SPTLC2: variants seen among roughly 807,000 people sequenced by gnomAD.
SPTLC2 encodes the protein serine palmitoyltransferase long chain base subunit 2.
A neutral mutation model predicts 62.0 loss-of-function variants in SPTLC2; 21 were observed. The observed-to-expected ratio is 0.34, with a 90% CI of 0.24 to 0.49. The LOEUF (loss-of-function observed/expected upper bound fraction) is 0.49, where lower values mean the gene tolerates loss of function less well. Ranked by LOEUF, SPTLC2 falls within the 20% of genes least tolerant of loss-of-function variation. The probability of loss-of-function intolerance (pLI) is 0.99; values close to 1 mark genes in which losing one functional copy is unlikely to be tolerated. For synonymous variants in SPTLC2, 261 were observed against 261.8 expected (o/e 1.00, Z 0.03); for missense variants, 511 against 713.0 (o/e 0.72, Z 3.23).
intron 9 of SPTLC2, among the ~76,000 whole-genome samples, chr14:77,531,222 T>A (rs2079436837): frequency 6.6e-6 from 1 of 152,216 alleles, no homozygotes; most frequent in South Asian, 2.1e-4. Flanking sequence ...CTTCATTGTT[T>A]AGGCTGTTTA....
chr14:77,580,960 G>A (rs182791586), intron 2 of SPTLC2, among the ~76,000 whole-genome samples: 77 of 152,322 alleles, frequency 5.1e-4, no homozygotes, highest in African/African-American at 1.7e-3. Flanking sequence ...TAAAACTTAA[G>A]TCTGTAAAAA....
intron 9 of SPTLC2, chr14:77,535,640 G>A (rs558748120): frequency 1.1e-5 from 2 of 175,650 alleles, no homozygotes; most frequent in Admixed American, 1.3e-4. Context: ...TCCTGCATAT[G>A]AGGTATGAGA....
intron 1 of SPTLC2, among the ~76,000 whole-genome samples, chr14:77,609,610 G>A (rs10146161): frequency 0.44 from 67,242 of 151,862 alleles, 15,176 homozygotes; most frequent in East Asian, 0.63. Context: ...GGTGGCATGT[G>A]CCTGTAGTCC....
chr14:77,519,266 C>T (rs546416524), intron 10 of SPTLC2, among the ~76,000 whole-genome samples: 1 of 152,200 alleles, frequency 6.6e-6, no homozygotes, highest in African/African-American at 2.4e-5. Context: ...TCTCGATCTC[C>T]TGACCTTGTG....
At chr14:77,515,377 T>C (rs971108822) in intron 11 of SPTLC2, among the ~76,000 whole-genome samples, 2 of 152,176 alleles carry the variant, frequency 1.3e-5, no homozygotes, top group African/African-American at 2.4e-5. Context: ...TAGGTTGCTA[T>C]ACTGCCATCT....
chr14:77,562,544 C>T (rs1028815818), intron 5 of SPTLC2, 55 bp from the exon 6 acceptor site: 68 of 1,399,754 alleles, frequency 4.9e-5, no homozygotes, highest in Non-Finnish European at 6.1e-5. Context: ...GGGTTAGTTA[C>T]ACAAATCACA....
At chr14:77,534,938 T>C (rs1325793688) in intron 9 of SPTLC2, among the ~76,000 whole-genome samples, 1 of 152,162 alleles carries the variant, frequency 6.6e-6, no homozygotes, top group Non-Finnish European at 1.5e-5. Context: ...TATTTCTTTT[T>C]TTTTTTGAGA....
rs774932456 is a variant in SPTLC2, at chr14:77,552,270, C to T, written c.1177-48G>A. 5 of 1,609,228 alleles carry T rather than the reference C, an allele frequency of 3.1e-6. No individual in the cohort carries two copies. The African/African-American group carries it at 5.3e-5, about 17-fold the overall frequency. On this transcript the variant is annotated intron_variant, in intron 8 of 11. Transcript: ENST00000216484. Reference sequence around the variant, plus strand: ...TAAGTAGAGACAATTCTTGCATTCACCGGCAATGTCAGTCCTTTCCTTCTA... The same window carrying T: ...TAAGTAGAGACAATTCTTGCATTCATCGGCAATGTCAGTCCTTTCCTTCTA...
At chr14:77,595,280 G>A (rs2079840429) in intron 2 of SPTLC2, among the ~76,000 whole-genome samples, 1 of 152,046 alleles carries the variant, frequency 6.6e-6, no homozygotes, top group African/African-American at 2.4e-5. Flanking sequence ...CATGAGAATT[G>A]CTTGGACCCG....
chr14:77,553,112 T>C (rs2079564173), intron 8 of SPTLC2, among the ~76,000 whole-genome samples: 2 of 152,198 alleles, frequency 1.3e-5, no homozygotes, highest in South Asian at 2.1e-4. Context: ...TAAAACTCTG[T>C]CATTTACAAG....
chr14:77,515,206 G>C (rs1042990933), intron 11 of SPTLC2, among the ~76,000 whole-genome samples: 8 of 152,148 alleles, frequency 5.3e-5, no homozygotes, highest in Non-Finnish European at 1.0e-4. Context: ...TAAGAAGTGT[G>C]AGTCCTCCCA....
At position 77,521,670 on chromosome 14, in the gene SPTLC2, C is replaced by T. The variant is rs1297133255; in HGVS notation, c.1304-89G>A. The T allele has an allele frequency of 5.9e-6, 7 of 1,190,266 alleles. No homozygotes were observed. The East Asian group carries it at 1.7e-4, about 29-fold the overall frequency. 73.7% of individuals were successfully genotyped at this position (1,190,266 alleles called of 1,614,324 possible). A position where few individuals can be genotyped will look rare whatever the true frequency, so the allele number is the denominator to read the frequency against. ...TAAATCTCCTCTATCTCCATTCTAT[C>T]TAATCAGTTCTGTTTCGTTTTTTTC... is the stretch of plus-strand genomic sequence containing the variant. On this transcript the variant is annotated intron_variant, in intron 9 of 11. Coordinates refer to ENST00000216484, the MANE Select transcript of SPTLC2 (RefSeq NM_004863.4).
At chr14:77,549,500 G>A (rs1320855814) in intron 9 of SPTLC2, among the ~76,000 whole-genome samples, 2 of 152,176 alleles carry the variant, frequency 1.3e-5, no homozygotes, top group Non-Finnish European at 2.9e-5. Context: ...GCTGAGCCTG[G>A]CTCCAAGTCA....
chr14:77,568,527 G>A (rs1017215107), intron 5 of SPTLC2, among the ~76,000 whole-genome samples: 38 of 150,910 alleles, frequency 2.5e-4, no homozygotes, highest in Non-Finnish European at 5.2e-4. Flanking sequence ...GAGGGGTTAG[G>A]GCAGGGCACA....
chr14:77,579,921 C>G (rs2140041672), intron 2 of SPTLC2, among the ~76,000 whole-genome samples: 1 of 152,174 alleles, frequency 6.6e-6, no homozygotes, highest in East Asian at 1.9e-4. Flanking sequence ...ACAAAGTAGT[C>G]CTCATAAAAA....
intron 1 of SPTLC2, 106 bp downstream of exon 1, chr14:77,616,342 C>CGCCCCGCGGATT (rs1467055076): frequency 7.5e-6 from 5 of 664,264 alleles, no homozygotes; most frequent in Non-Finnish European, 1.0e-5. Flanking sequence ...GAACGGCGCC[C>CGCCCCGCGGATT]GCCCCGCGGA....
Position 77,614,981 on chromosome 14 carries a change from C to A in SPTLC2, c.132+1467G>T, listed in dbSNP as rs868439647. On this transcript the variant is annotated intron_variant, in intron 1 of 11. Coordinates refer to ENST00000216484, the MANE Select transcript of SPTLC2 (RefSeq NM_004863.4). ...AGCAAAACTGTCTGAAAAAAAAAAA[C>A]AAAAACAAAAACAAAAAAAAAATCA... Among the ~76,000 whole-genome samples, 413 of 145,520 alleles carry A rather than the reference C, an allele frequency of 2.8e-3. 3 individuals are homozygous for A. The highest frequency in any genetic ancestry group is 0.011 in the Middle Eastern group (3 of 280).
intron 1 of SPTLC2, among the ~76,000 whole-genome samples, chr14:77,610,992 C>CAAAAAAA (rs61504970): frequency 9.4e-6 from 1 of 106,854 alleles, no homozygotes; most frequent in African/African-American, 3.8e-5. Flanking sequence ...CCCATCTCTA[C>CAAAAAAA]AAAAAAAAAA....
intron 6 of SPTLC2, among the ~76,000 whole-genome samples, chr14:77,559,619 G>T (rs990608996): frequency 6.6e-6 from 1 of 152,132 alleles, no homozygotes; most frequent in Non-Finnish European, 1.5e-5. Flanking sequence ...TCTGGGCATG[G>T]TGAATCACTC....
Sources: allele counts gnomAD v4.1 joint callset (sites outside exome capture counted in the v4.1 genomes callset), GRCh38; gene constraint gnomAD v4.1.1; transcripts MANE v1.5; gene names NCBI Gene and HGNC (gene_info 2026-07-23, HGNC 2026-07-21).